CSPP1: variants seen among roughly 807,000 people sequenced by gnomAD.
The protein encoded by CSPP1 is centrosome and spindle pole associated protein 1, also known as centrosome and spindle pole-associated protein 1.
CSPP1 carries 126 observed loss-of-function variants against 164.4 expected under a neutral mutation model. That is an observed-to-expected ratio of 0.77 (90% confidence interval 0.66 to 0.89). The LOEUF is 0.89. CSPP1 is among the 40% of genes least tolerant of loss of function. The pLI, the probability that CSPP1 is intolerant of heterozygous loss-of-function variation, is 0.00. For synonymous variants in CSPP1, 472 were observed against 476.7 expected (o/e 0.99, Z 0.13); for missense variants, 1,395 against 1,449.8 (o/e 0.96, Z 0.61).
chr8:67,076,643 G>T, intron 3 of CSPP1, 62 bp downstream of exon 3: 1 of 917,310 alleles, frequency 1.1e-6, no homozygotes, highest in South Asian at 1.6e-5. Context: ...TCTGAAAGAG[G>T]TTTGTCTTGT....
At chr8:67,163,710 C>T in intron 22 of CSPP1, 22 bp from the exon 23 acceptor site, 1 of 1,594,488 alleles carries the variant, frequency 6.3e-7, no homozygotes, top group African/African-American at 1.3e-5. Flanking sequence ...CTGAACATGT[C>T]TTTGTCATTA....
At chr8:67,110,945 T>A (rs117925857) in intron 9 of CSPP1, among the ~76,000 whole-genome samples, 3,009 of 152,226 alleles carry the variant, frequency 0.02, 57 homozygotes, top group Non-Finnish European at 0.033. Flanking sequence ...AGAAGTGAAA[T>A]GGGAATATTT....
intron 19 of CSPP1, 74 bp downstream of exon 19, chr8:67,154,210 G>T: frequency 1.4e-6 from 1 of 732,510 alleles, no homozygotes; most frequent in Non-Finnish European, 2.4e-6. Context: ...TTTTCTCCAG[G>T]ATAAATACTA....
chr8:67,124,306 A>T (rs937267119), intron 15 of CSPP1, among the ~76,000 whole-genome samples: 15 of 152,130 alleles, frequency 9.9e-5, no homozygotes, highest in African/African-American at 3.6e-4. Flanking sequence ...ATTAAAATTG[A>T]TATCTTAATT....
At chr8:67,100,804 T>A (rs979771114) in intron 7 of CSPP1, among the ~76,000 whole-genome samples, 12 of 148,906 alleles carry the variant, frequency 8.1e-5, no homozygotes, top group South Asian at 2.1e-4. Flanking sequence ...TATATATATA[T>A]AAATAAAGAT....
intron 17 of CSPP1, among the ~76,000 whole-genome samples, chr8:67,139,591 G>C (rs535077252): frequency 1.6e-3 from 241 of 152,146 alleles, no homozygotes; most frequent in Non-Finnish European, 1.9e-3. Flanking sequence ...TTGGAACCAA[G>C]CCAAATGTCC....
At chr8:67,098,985 A>C (rs544693498) in intron 7 of CSPP1, among the ~76,000 whole-genome samples, 1 of 151,602 alleles carries the variant, frequency 6.6e-6, no homozygotes, top group African/African-American at 2.4e-5. Flanking sequence ...AAAGATTAAC[A>C]TGTGTTCATT....
intron 9 of CSPP1, among the ~76,000 whole-genome samples, chr8:67,107,422 T>C (rs1586154624): frequency 1.3e-5 from 2 of 152,180 alleles, no homozygotes; most frequent in Admixed American, 6.5e-5. Flanking sequence ...AATAATTTTA[T>C]CAATAAAAGG....
chr8:67,190,832 C>G, intron 29 of CSPP1, 73 bp downstream of exon 29: 4 of 1,062,496 alleles, frequency 3.8e-6, no homozygotes, highest in Non-Finnish European at 5.8e-6. Flanking sequence ...TGTGCTAAAT[C>G]TGTGTGGCCC....
chr8:67,194,122 C>G (rs1212767023), intron 30 of CSPP1, among the ~76,000 whole-genome samples: 1 of 152,168 alleles, frequency 6.6e-6, no homozygotes. Flanking sequence ...TCATAGAGCA[C>G]AAGGCAGGAT....
chr8:67,167,492 T>G (rs1255431521), intron 24 of CSPP1, among the ~76,000 whole-genome samples: 2 of 148,002 alleles, frequency 1.4e-5, no homozygotes, highest in South Asian at 2.2e-4. Context: ...GGCTCCTCAC[T>G]TCCCAGACGG....
rs1219988938 is a variant in CSPP1, at chr8:67,095,537, A to G, written c.728A>G (p.Asn243Ser). 5.0e-6 allele frequency: 8 copies of G among 1,613,862 alleles called. No homozygotes were observed. Among genetic ancestry groups the G allele is most frequent in the Non-Finnish European group, 5.9e-6 (7 of 1,179,968 alleles). ...GCAAATGAAGAAGTGGGCATTTCCA[A>G]CCTAAAACATCAAAGGTTTGCAAGC... ...KKANEEVGIS[N>S]LKHQRFASKA... The change falls in exon 7 of 31, where the codon AAC (asparagine) becomes AGC (serine). Residue 243 changes from asparagine to serine, a missense_variant. By Grantham distance (46) the Asn-to-Ser change is conservative (BLOSUM62 1). Coordinates refer to ENST00000678616, the MANE Select transcript of CSPP1 (RefSeq NM_001382391.1).
At chr8:67,067,756 C>T (rs183306302) in intron 1 of CSPP1, among the ~76,000 whole-genome samples, 10 of 151,346 alleles carry the variant, frequency 6.6e-5, no homozygotes, top group Admixed American at 2.6e-4. Flanking sequence ...AGCCACAACG[C>T]GCGGCTGCAG....
At chr8:67,123,089 G>A (rs1182356949) in intron 15 of CSPP1, 3 of 152,326 alleles carry the variant, frequency 2.0e-5, no homozygotes, top group African/African-American at 2.4e-5. Flanking sequence ...TGGAAACAGG[G>A]TCTCCCTGTG....
In CSPP1 at chr8:67,159,037, A is replaced by C; in HGVS notation, c.2438A>C (p.Gln813Pro). 1 of 1,612,672 alleles carries C rather than the reference A, an allele frequency of 6.2e-7. No individual in the cohort carries two copies. The highest frequency in any genetic ancestry group is 8.5e-7 in the Non-Finnish European group (1 of 1,179,344). ...CATATTCGGTTAGCTGAAGAAAGAC[A>C]AAAAGAAGCAGAAAGAAAGAAGAAA... ...EEHIRLAEER[Q>P]KEAERKKKEE... Residue 813 changes from glutamine to proline, a missense_variant, in exon 21 of 31, where the codon CAA becomes CCA. Coordinates refer to ENST00000678616, the MANE Select transcript of CSPP1 (RefSeq NM_001382391.1).
At chr8:67,076,204 T>A (rs1338789422) in intron 2 of CSPP1, among the ~76,000 whole-genome samples, 1 of 152,200 alleles carries the variant, frequency 6.6e-6, no homozygotes, top group Non-Finnish European at 1.5e-5. Flanking sequence ...GCAGAAATTC[T>A]TCTATTTTTT....
chr8:67,182,441 A>G (rs1833289531), intron 28 of CSPP1, among the ~76,000 whole-genome samples: 2 of 152,138 alleles, frequency 1.3e-5, no homozygotes, highest in Admixed American at 1.3e-4. Context: ...TAATGCTCCT[A>G]TGAATAGGTG....
At chr8:67,188,920 T>G (rs922919918) in intron 28 of CSPP1, among the ~76,000 whole-genome samples, 1 of 152,134 alleles carries the variant, frequency 6.6e-6, no homozygotes, top group Non-Finnish European at 1.5e-5. Context: ...TGGCCCAAGA[T>G]TCCATTCCTT....
intron 21 of CSPP1, among the ~76,000 whole-genome samples, chr8:67,161,515 G>C (rs903948978): frequency 4.6e-5 from 7 of 151,888 alleles, no homozygotes; most frequent in Non-Finnish European, 1.0e-4. Context: ...CTTTAGTTTT[G>C]TTATATTTTT....
Sources: gnomAD v4.1 joint callset for allele counts (sites outside exome capture counted in the v4.1 genomes callset) on GRCh38, gnomAD v4.1.1 for gene constraint, MANE v1.5 for transcripts, NCBI Gene and HGNC (gene_info 2026-07-23, HGNC 2026-07-21) for gene names.